ENKUR: variants seen among roughly 807,000 people sequenced by gnomAD.
ENKUR encodes the protein enkurin, TRPC channel interacting protein.
In ENKUR, 19 loss-of-function variants were observed where a neutral mutation model predicts 27.6. The ratio of observed to expected loss-of-function variants is 0.69; its 90% CI spans 0.48 to 1.01. The LOEUF is 1.01. Ranked by LOEUF, ENKUR falls within the 50% of genes least tolerant of loss-of-function variation. The pLI is 0.00. For missense variants in ENKUR, 312 were observed against 310.5 expected, an observed-to-expected ratio of 1.00 and a Z score of -0.04; for synonymous variants, 117 against 96.9, an observed-to-expected ratio of 1.21 and a Z score of -1.22.
chr10:25,022,615 T>C (rs1447370166), intron 2 of ENKUR, among the ~76,000 whole-genome samples: 1 of 152,218 alleles, frequency 6.6e-6, no homozygotes, highest in Non-Finnish European at 1.5e-5. Context: ...TAAGCAAATA[T>C]GTTCTTTTAT....
intron 2 of ENKUR, among the ~76,000 whole-genome samples, chr10:25,058,799 C>T (rs921800151): frequency 1.3e-5 from 2 of 151,958 alleles, no homozygotes; most frequent in Non-Finnish European, 2.9e-5. Context: ...GGTGTAGTGG[C>T]TCATGCCTGT....
chr10:24,984,618 A>T, intron 5 of ENKUR, 118 bp downstream of exon 5: 1 of 1,088,024 alleles, frequency 9.2e-7, no homozygotes, highest in Non-Finnish European at 1.3e-6. Flanking sequence ...CATTCTGATT[A>T]AGACTATTTT....
chr10:25,024,620 G>A (rs1850803979), intron 2 of ENKUR: 4 of 1,614,096 alleles, frequency 2.5e-6, no homozygotes, highest in South Asian at 2.2e-5. Flanking sequence ...ACAATCTTAA[G>A]TTCGGCTAAC....
At chr10:25,006,818 T>C (rs1850323062) in intron 1 of ENKUR, among the ~76,000 whole-genome samples, 1 of 152,206 alleles carries the variant, frequency 6.6e-6, no homozygotes, top group Admixed American at 6.5e-5. Flanking sequence ...CGAGCTTTGG[T>C]ATTAGATTTG....
rs1850141626 is a variant in ENKUR, at chr10:24,999,513, A to G, written c.111T>C (p.Asp37=). Reference sequence around the variant, plus strand: ...TTGCAGTTTTAGCTTTTTGCATGTCATCTTTTACAGTTGCCTTAAAAATGG... The same window carrying G: ...TTGCAGTTTTAGCTTTTTGCATGTCGTCTTTTACAGTTGCCTTAAAAATGG... ...YISIFKATVK[D]DMQKAKTAMK... The change falls in exon 2 of 6, where the codon GAT becomes GAC. Residue 37 remains aspartate (D), a synonymous_variant. Transcript: ENST00000331161. The G allele has an allele frequency of 1.9e-6, 3 of 1,612,326 alleles. No homozygotes were observed. Among genetic ancestry groups the G allele is most frequent in the Non-Finnish European group, 2.5e-6 (3 of 1,179,438 alleles).
chr10:24,993,491 C>T (rs945530355), intron 3 of ENKUR, among the ~76,000 whole-genome samples: 1 of 152,166 alleles, frequency 6.6e-6, no homozygotes, highest in African/African-American at 2.4e-5. Flanking sequence ...TCTATCCTTG[C>T]TTGTTTTCAG....
intron 2 of ENKUR, among the ~76,000 whole-genome samples, chr10:25,043,042 C>T (rs1257529636): frequency 1.3e-5 from 2 of 151,900 alleles, no homozygotes; most frequent in South Asian, 2.1e-4. Context: ...TATGTGAGAG[C>T]GGCATTATGT....
At chr10:25,048,613 A>G (rs1184674212) in intron 2 of ENKUR, among the ~76,000 whole-genome samples, 4 of 152,036 alleles carry the variant, frequency 2.6e-5, no homozygotes, top group Non-Finnish European at 5.9e-5. Context: ...AGTCCCACAC[A>G]GGCAATGGCC....
chr10:25,033,879 G>A (rs12359325), intron 2 of ENKUR, among the ~76,000 whole-genome samples: 5,719 of 151,010 alleles, frequency 0.038, 147 homozygotes, highest in Non-Finnish European at 0.06. Flanking sequence ...ATCATCTATT[G>A]TCTGTCTGTC....
chr10:25,007,848 C>A (rs1480207646), intron 1 of ENKUR, among the ~76,000 whole-genome samples: 1 of 151,972 alleles, frequency 6.6e-6, no homozygotes, highest in Non-Finnish European at 1.5e-5. Context: ...GTTGTCTCTC[C>A]CCTCACCCAT....
At chr10:25,032,316 G>C (rs572175712) in intron 2 of ENKUR, among the ~76,000 whole-genome samples, 40 of 148,284 alleles carry the variant, frequency 2.7e-4, no homozygotes, top group Non-Finnish European at 4.3e-4. Context: ...AGTAAAGAAG[G>C]GGGGGGGGCT....
intron 2 of ENKUR, among the ~76,000 whole-genome samples, chr10:25,038,799 G>A (rs1851033146): frequency 6.6e-6 from 1 of 152,176 alleles, no homozygotes. Flanking sequence ...TGCATACTAT[G>A]TTTTTAAATG....
chr10:25,018,758 C>T (rs1428189465), upstream of ENKUR, among the ~76,000 whole-genome samples: 2 of 134,166 alleles, frequency 1.5e-5, no homozygotes, highest in Admixed American at 8.4e-5. Flanking sequence ...GGTAAATAAA[C>T]CCTTTATAAA....
intron 2 of ENKUR, chr10:25,023,139 C>G: frequency 1.5e-6 from 2 of 1,358,240 alleles, no homozygotes; most frequent in East Asian, 2.4e-5. Flanking sequence ...ACCAAATTAT[C>G]TTTTGTTGTT....
chr10:25,040,061 C>T (rs1851046122), intron 2 of ENKUR, among the ~76,000 whole-genome samples: 1 of 151,802 alleles, frequency 6.6e-6, no homozygotes. Context: ...CTCCCATCCT[C>T]AGGGGCCTCT....
At chr10:25,001,526 A>G (rs1351806754) in intron 1 of ENKUR, among the ~76,000 whole-genome samples, 1 of 151,948 alleles carries the variant, frequency 6.6e-6, no homozygotes, top group Non-Finnish European at 1.5e-5. Flanking sequence ...GATATTGTTC[A>G]AGCCTCATTG....
At chr10:25,017,136 T>A (rs1249078750), upstream of ENKUR, among the ~76,000 whole-genome samples, 2 of 152,268 alleles carry the variant, frequency 1.3e-5, no homozygotes, top group Non-Finnish European at 2.9e-5. Flanking sequence ...CCAGTGGACC[T>A]GCTCTTTGTA....
At position 24,996,456 on chromosome 10, in the gene ENKUR, G is replaced by GTA. The variant is rs1554769551; in HGVS notation, c.224-589_224-588dup. Among the ~76,000 whole-genome samples, 586 of 149,774 alleles carry GTA rather than the reference G, an allele frequency of 3.9e-3. 2 individuals carry two copies. Among genetic ancestry groups the GTA allele is most frequent in the African/African-American group, 0.013 (510 of 40,688 alleles). On this transcript the variant is annotated intron_variant, in intron 2 of 5. Coordinates refer to ENST00000331161, the MANE Select transcript of ENKUR (RefSeq NM_145010.4). ...CATATATGTGTGTGTGTGTGTGTGT[G>GTA]TATATATATATATATGAACAGTATA...
chr10:25,051,066 T>A (rs116543392), intron 2 of ENKUR, among the ~76,000 whole-genome samples: 1,732 of 152,302 alleles, frequency 0.011, 36 homozygotes, highest in African/African-American at 0.04. Context: ...ATTTTATGTA[T>A]CCTTGGAACT....
Sources: gnomAD v4.1 joint callset for allele counts (sites outside exome capture counted in the v4.1 genomes callset) on GRCh38, gnomAD v4.1.1 for gene constraint, MANE v1.5 for transcripts, NCBI Gene and HGNC (gene_info 2026-07-23, HGNC 2026-07-21) for gene names.